The following MID1 variants were observed in gnomAD, a reference collection of about 807,000 sequenced individuals.
MID1 encodes the protein E3 ubiquitin-protein ligase Midline-1.
A neutral mutation model predicts 40.4 loss-of-function variants in MID1; 7 were observed. The ratio of observed to expected loss-of-function variants is 0.17; its 90% CI spans 0.10 to 0.33. The LOEUF (loss-of-function observed/expected upper bound fraction) is 0.33. Among genes scored for constraint, MID1 ranks in the 10% least tolerant of loss-of-function variants. The pLI, the probability that MID1 is intolerant of heterozygous loss-of-function variation, is 1.00. For synonymous variants in MID1, 229 were observed against 221.2 expected (o/e 1.04, Z -0.31); for missense variants, 367 against 558.5 (o/e 0.66, Z 3.46).
chrX:10,773,542 C>T (rs746117424), intron 1 of MID1, among the ~76,000 whole-genome samples: 1 of 112,687 alleles, frequency 8.9e-6, no homozygotes, highest in African/African-American at 3.2e-5. Flanking sequence ...ATATTTTTCA[C>T]TAGAACTGAT....
At chrX:10,572,907 G>A (rs1934776480) in intron 1 of MID1, among the ~76,000 whole-genome samples, 1 of 111,603 alleles carries the variant, frequency 9.0e-6, no homozygotes, top group South Asian at 3.8e-4. Context: ...CTGGACAGGT[G>A]ACGGGATAAT....
intron 9 of MID1, among the ~76,000 whole-genome samples, chrX:10,450,704 G>A (rs775334693): frequency 4.5e-5 from 5 of 112,016 alleles, no homozygotes; most frequent in Non-Finnish European, 9.4e-5. Context: ...ACGTGTTTGA[G>A]CAGACGGATC....
intron 2 of MID1, among the ~76,000 whole-genome samples, chrX:10,543,290 T>G (rs183162677): frequency 8.9e-6 from 1 of 112,060 alleles, no homozygotes; most frequent in Non-Finnish European, 1.9e-5. Flanking sequence ...TAACAACTCA[T>G]TTGTTTAGAG....
chrX:10,636,784 G>GCATATATATATATATA (rs1198448070), intron 1 of MID1, among the ~76,000 whole-genome samples: 1 of 12,157 alleles, frequency 8.2e-5, no homozygotes, highest in Non-Finnish European at 1.3e-4. Context: ...CCAACAATGG[G>GCATATATATATATATA]GATATATATA....
intron 7 of MID1, among the ~76,000 whole-genome samples, chrX:10,463,766 G>A (rs935707186): frequency 5.3e-5 from 6 of 112,281 alleles, no homozygotes; most frequent in Admixed American, 9.4e-5. Context: ...ATGAGGAAAC[G>A]GATTCGGAGG....
chrX:10,693,443 C>T (rs1422708489), intron 1 of MID1, among the ~76,000 whole-genome samples: 1 of 109,835 alleles, frequency 9.1e-6, no homozygotes, highest in African/African-American at 3.3e-5. Flanking sequence ...TCTCTTGCCT[C>T]AGCTTCCCGA....
intron 1 of MID1, among the ~76,000 whole-genome samples, chrX:10,688,651 AT>A (rs969096150): frequency 1.6e-4 from 18 of 110,724 alleles, no homozygotes; most frequent in Admixed American, 1.5e-3. Flanking sequence ...GTGAGATTCA[AT>A]TTTTTTTCTC....
chrX:10,560,395 T>C (rs778305739), intron 2 of MID1, among the ~76,000 whole-genome samples: 1 of 111,212 alleles, frequency 9.0e-6, no homozygotes, highest in Non-Finnish European at 1.9e-5. Flanking sequence ...GAGAAAGAAA[T>C]GATGGGTATT....
chrX:10,538,058 A>G (rs1405537747), intron 2 of MID1, among the ~76,000 whole-genome samples: 4 of 110,969 alleles, frequency 3.6e-5, no homozygotes, highest in Non-Finnish European at 7.6e-5. Flanking sequence ...TGCAGCCTTG[A>G]CCTCCCAGGT....
At chrX:10,757,892 T>C (rs1252530138) in intron 1 of MID1, among the ~76,000 whole-genome samples, 2 of 111,808 alleles carry the variant, frequency 1.8e-5, no homozygotes, top group Non-Finnish European at 3.8e-5. Context: ...AACTCAAAAT[T>C]TTATTAATCC....
intron 1 of MID1, among the ~76,000 whole-genome samples, chrX:10,792,779 T>C (rs2043941659): frequency 9.0e-6 from 1 of 111,548 alleles, no homozygotes; most frequent in African/African-American, 3.3e-5. Context: ...AATTTCTTTA[T>C]AGGGTGATGA....
rs747105056 is a variant in MID1 at position 10,590,067 on chromosome X, G to T, written c.-56-22464C>A. Among the ~76,000 whole-genome samples the T allele has an allele frequency of 2.5e-3, 273 of 110,754 alleles. 2 individuals are homozygous for T. Among genetic ancestry groups the T allele is most frequent in the African/African-American group, 7.6e-3 (232 of 30,451 alleles). On this transcript the variant is annotated intron_variant, in intron 1 of 9. Coordinates refer to ENST00000317552, the MANE Select transcript of MID1 (RefSeq NM_000381.4). Reference sequence around the variant, plus strand: ...AAGCAGGGGGTACGTGACAGGGGCTGCATGCACTGGTGGTTAGAGTGAAAC... The same window carrying T: ...AAGCAGGGGGTACGTGACAGGGGCTTCATGCACTGGTGGTTAGAGTGAAAC...
chrX:10,613,730 TATAGAGAGAGAGAGAG>T (rs1451146383), intron 1 of MID1, among the ~76,000 whole-genome samples: 10 of 30,666 alleles, frequency 3.3e-4, no homozygotes, highest in Non-Finnish European at 5.8e-4. Context: ...TATATATATA[TATAGAGAGAGAGAGAG>T]AGAGAGAGAG....
intron 1 of MID1, among the ~76,000 whole-genome samples, chrX:10,627,931 A>G (rs1936012175): frequency 8.9e-6 from 1 of 111,757 alleles, no homozygotes; most frequent in Non-Finnish European, 1.9e-5. Context: ...GAACAGAAAG[A>G]TTGCCAGGAT....
At chrX:10,707,290 C>G (rs147519322) in intron 1 of MID1, among the ~76,000 whole-genome samples, 2,146 of 111,172 alleles carry the variant, frequency 0.019, 50 homozygotes, top group African/African-American at 0.067. Context: ...TTGCCTTCAC[C>G]GCGGAAGGGG....
chrX:10,620,227 A>T (rs1173286841), intron 1 of MID1, 63 bp downstream of exon 1: 3 of 112,501 alleles, frequency 2.7e-5, no homozygotes, highest in African/African-American at 9.7e-5. Flanking sequence ...CCGCAGTAAC[A>T]CGTCGCAGGG....
At chrX:10,605,239 G>A (rs1045679397) in intron 1 of MID1, among the ~76,000 whole-genome samples, 1 of 111,868 alleles carries the variant, frequency 8.9e-6, no homozygotes, top group African/African-American at 3.2e-5. Flanking sequence ...GTTATTTGGG[G>A]TTCTGGCAAC....
chrX:10,454,483 T>TAA (rs113648857), intron 9 of MID1, among the ~76,000 whole-genome samples: 3 of 111,769 alleles, frequency 2.7e-5, no homozygotes, highest in African/African-American at 9.8e-5. Context: ...GGACTATATG[T>TAA]AAAAAAATGG....
intron 1 of MID1, among the ~76,000 whole-genome samples, chrX:10,797,760 C>T (rs1482116923): frequency 8.9e-6 from 1 of 111,895 alleles, no homozygotes; most frequent in Non-Finnish European, 1.9e-5. Context: ...AACAGTAGTG[C>T]TTGTTACCAA....
Sources: gnomAD v4.1 joint callset for allele counts (sites outside exome capture counted in the v4.1 genomes callset) on GRCh38, gnomAD v4.1.1 for gene constraint, MANE v1.5 for transcripts, NCBI Gene and HGNC (gene_info 2026-07-23, HGNC 2026-07-21) for gene names.